The following MYRF variants were observed in gnomAD, a reference collection of about 807,000 sequenced individuals.
MYRF encodes myelin regulatory factor, also known as myelin gene regulatory factor.
In MYRF, 16 loss-of-function variants were observed where a neutral mutation model predicts 126.3. The ratio of observed to expected loss-of-function variants is 0.13; its 90% CI spans 0.09 to 0.19. The LOEUF (loss-of-function observed/expected upper bound fraction) is 0.19, where lower values mean the gene tolerates loss of function less well. MYRF is among the 10% of genes least tolerant of loss of function. MYRF has a pLI of 1.00. For missense variants in MYRF, 1,104 were observed against 1,547.0 expected (o/e 0.71, Z 4.80); for synonymous variants, 608 against 635.3 (o/e 0.96, Z 0.65).
chr11:61,774,290 A>C, intron 8 of MYRF, 128 bp downstream of exon 8: 1 of 842,836 alleles, frequency 1.2e-6, no homozygotes, highest in Non-Finnish European at 1.8e-6. Context: ...TTTGGGAGTC[A>C]GGCAGATCAC....
rs559323914 is a variant in MYRF, at chr11:61,766,441, A to G, written c.398+220A>G. On this transcript the variant is annotated intron_variant, in intron 3 of 26. Transcript: ENST00000278836. The stretch of plus-strand genomic sequence containing the variant: ...GTGGGCAGCCACAAAGCTTCTAAGC[A>G]TGGGAGTGATGAGGGCTGACGTAAG... 1.7e-4 allele frequency: 87 copies of G among 518,796 alleles called. No individual in the cohort carries two copies. The Admixed American group carries it at 2.3e-3, about 14-fold the overall frequency. 32.1% of individuals were successfully genotyped at this position (518,796 alleles called of 1,614,324 possible).
At chr11:61,755,467 G>A (rs1565275569) in intron 1 of MYRF, 5 of 1,607,610 alleles carry the variant, frequency 3.1e-6, no homozygotes, top group Non-Finnish European at 4.2e-6. Flanking sequence ...GTATAAGGGG[G>A]CTTTGGACTC....
rs1173655185 is a variant in MYRF at position 61,787,362 on chromosome 11, A to C, written c.*1219A>C. The C allele has an allele frequency of 6.6e-6, 1 of 152,256 alleles. No homozygotes were observed. The highest frequency in any genetic ancestry group is 6.6e-5 in the Admixed American group (1 of 15,262). The allele number at this position is 152,256 out of a possible 1,614,324, so 9.4% of individuals were successfully genotyped here. On this transcript the variant is annotated 3_prime_UTR_variant, in exon 27 of 27. Coordinates refer to ENST00000278836, the MANE Select transcript of MYRF (RefSeq NM_001127392.3). The stretch of plus-strand genomic sequence containing the variant: ...CAAGTTTCTTAGTGGTGCCTGGTGC[A>C]TTCCGAGGCTACATCCAGGCTCATG...
At chr11:61,767,333 G>C (rs549170901) in intron 3 of MYRF, 1 of 456,550 alleles carries the variant, frequency 2.2e-6, no homozygotes, top group Non-Finnish European at 4.4e-6. Flanking sequence ...CTATGATTGC[G>C]TGAGCTCATC....
chr11:61,758,123 A>C (rs1442112870), intron 1 of MYRF, among the ~76,000 whole-genome samples: 2 of 151,894 alleles, frequency 1.3e-5, no homozygotes, highest in East Asian at 3.9e-4. Flanking sequence ...CTGGGTGGGG[A>C]GTACAGTTGG....
rs2066433582 is a variant in MYRF at position 61,777,978 on chromosome 11, T to C, written c.1903+133T>C. On this transcript the variant is annotated intron_variant, in intron 13 of 26. Transcript: ENST00000278836. This position sits in a 1 kb window ranked among gnomAD's most constrained non-coding sequence, Gnocchi z 8.8. Reference sequence around the variant, plus strand: ...CTGCGCCCCTGGGAATCATGCCTTCTAGAAGTCCCGCCCCTCGGACCTTGG... The same window carrying C: ...CTGCGCCCCTGGGAATCATGCCTTCCAGAAGTCCCGCCCCTCGGACCTTGG... The C allele has an allele frequency of 8.3e-6, 6 of 722,246 alleles. No individual in the cohort carries two copies. The South Asian group carries it at 9.7e-5, about 12-fold the overall frequency. The allele number at this position is 722,246 out of a possible 1,614,324, so 44.7% of individuals were successfully genotyped here. A position where few individuals can be genotyped will look rare whatever the true frequency, so the allele number is the denominator to read the frequency against.
chr11:61,770,539 G>A lies in MYRF; in HGVS notation c.740+14G>A. The A allele has an allele frequency of 6.5e-7, 1 of 1,543,904 alleles. No individual in the cohort carries two copies. The highest frequency in any genetic ancestry group is 8.8e-7 in the Non-Finnish European group (1 of 1,142,080). ...GCACGGAGCTGAGTAAGACGTGGGT[G>A]GCTGGCTCCATGGGGTGGGAAGGTG... On this transcript the variant is annotated intron_variant, in intron 5 of 26. Coordinates refer to ENST00000278836, the MANE Select transcript of MYRF (RefSeq NM_001127392.3).
intron 4 of MYRF, among the ~76,000 whole-genome samples, chr11:61,769,969 C>G (rs1342560043): frequency 1.3e-5 from 2 of 151,922 alleles, no homozygotes; most frequent in Non-Finnish European, 2.9e-5. Context: ...GGAGGGGGAC[C>G]TTTAGATTTG....
At position 61,786,016 on chromosome 11, in the gene MYRF, C is replaced by T. The variant is rs777053688; in HGVS notation, c.3376-47C>T. On this transcript the variant is annotated intron_variant, in intron 26 of 26. Transcript: ENST00000278836. This position sits in a 1 kb window ranked among gnomAD's most constrained non-coding sequence, Gnocchi z 4.5. ...AATGTCAGCAGGGAGTGCCATCTGC[C>T]CCGCACCCCCAGAGCCACCTCACCT... is the stretch of plus-strand genomic sequence containing the variant. The T allele has an allele frequency of 4.4e-6, 7 of 1,590,330 alleles. No homozygotes were observed. Among genetic ancestry groups the T allele is most frequent in the South Asian group, 1.1e-5 (1 of 90,600 alleles).
At chr11:61,762,792 C>T (rs1007779746) in intron 1 of MYRF, among the ~76,000 whole-genome samples, 5 of 152,162 alleles carry the variant, frequency 3.3e-5, no homozygotes, top group African/African-American at 1.2e-4. Context: ...TCCGAGCCCC[C>T]AACCCTCAAA....
At chr11:61,779,094 C>G in intron 14 of MYRF, 169 bp from the exon 15 acceptor site, 1 of 683,302 alleles carries the variant, frequency 1.5e-6, no homozygotes, top group Non-Finnish European at 2.5e-6. Flanking sequence ...CTGTGGGAGC[C>G]GAGGCTGGAT....
At chr11:61,769,865 G>A (rs567431035) in intron 4 of MYRF, among the ~76,000 whole-genome samples, 6 of 152,282 alleles carry the variant, frequency 3.9e-5, no homozygotes, top group Admixed American at 2.0e-4. Flanking sequence ...ACTGCCTGCC[G>A]GAGAGGGGAA....
At chr11:61,755,526 G>A in intron 1 of MYRF, 1 of 1,517,024 alleles carries the variant, frequency 6.6e-7, no homozygotes, top group South Asian at 1.2e-5. Context: ...AATCCTGCCA[G>A]GACCTCAGAG....
Position 61,783,813 on chromosome 11 carries a change from G to A in MYRF, c.3120-38G>A. On this transcript the variant is annotated intron_variant, in intron 23 of 26. Coordinates refer to ENST00000278836, the MANE Select transcript of MYRF (RefSeq NM_001127392.3). The surrounding 1 kb of genome is among the most constrained non-coding windows in gnomAD (Gnocchi z 4.6). The stretch of plus-strand genomic sequence containing the variant: ...CCCTGGTGGGGGTGGGGGGTGGCAG[G>A]GTACCCTCAGGCTAAGGTGCCAGTT... The A allele has an allele frequency of 1.9e-6, 3 of 1,561,250 alleles. No homozygotes were observed. Among genetic ancestry groups the A allele is most frequent in the Non-Finnish European group, 2.6e-6 (3 of 1,151,152 alleles).
chr11:61,771,643 C>A lies in MYRF; in HGVS notation c.884C>A (p.Pro295Gln). 6.2e-7 allele frequency: 1 copy of A among 1,613,982 alleles called. No individual in the cohort carries two copies. The highest frequency in any genetic ancestry group is 1.1e-5 in the South Asian group (1 of 91,084). Residue 295 changes from proline (P) to glutamine (Q), a missense_variant, in exon 6 of 27, where the codon CCA becomes CAA. This residue lies in a region of MYRF where 368 missense variants were observed against 403.9 expected (regional missense o/e 0.91). Coordinates refer to ENST00000278836, the MANE Select transcript of MYRF (RefSeq NM_001127392.3). Reference protein sequence around the residue: ...LPLHPTRAPSPPWPPQGPLSP... With the variant: ...LPLHPTRAPSQPWPPQGPLSP... Reference sequence around the variant, plus strand: ...CTGCACCCCACTCGAGCCCCATCGCCACCCTGGCCTCCCCAGGGTCCGCTC... The same window carrying A: ...CTGCACCCCACTCGAGCCCCATCGCAACCCTGGCCTCCCCAGGGTCCGCTC...
chr11:61,764,102 C>T (rs1341594402), intron 1 of MYRF, among the ~76,000 whole-genome samples: 2 of 152,202 alleles, frequency 1.3e-5, no homozygotes, highest in Non-Finnish European at 1.5e-5. Context: ...TGGTGGGTGT[C>T]CCTTGTTCCT....
intron 1 of MYRF, chr11:61,755,293 C>T (rs765784752): frequency 9.3e-6 from 13 of 1,402,620 alleles, no homozygotes; most frequent in Admixed American, 4.8e-5. Flanking sequence ...GGTGGGAGGC[C>T]GGGACAGAGC....
At chr11:61,780,398 G>A (rs182584365) in intron 18 of MYRF, 108 bp downstream of exon 18, 9 of 986,552 alleles carry the variant, frequency 9.1e-6, no homozygotes, top group Non-Finnish European at 1.4e-5. Context: ...TTCATCCTTA[G>A]CCTCTTAGCC....
chr11:61,782,573 A>T (rs2066582354), intron 22 of MYRF: 1 of 152,164 alleles, frequency 6.6e-6, no homozygotes. Context: ...GTCCCCAAAG[A>T]CCTCACAGAG....
Sources: gnomAD v4.1 joint callset for allele counts (sites outside exome capture counted in the v4.1 genomes callset) on GRCh38, gnomAD v4.1.1 for gene constraint, gnomAD v4.1.1 regional missense constraint, Gnocchi (gnomAD v3.1) non-coding constraint, MANE v1.5 for transcripts, NCBI Gene and HGNC (gene_info 2026-07-23, HGNC 2026-07-21) for gene names.